The following VPS13A variants were observed in gnomAD, a reference collection of about 807,000 sequenced individuals.
VPS13A encodes intermembrane lipid transfer protein VPS13A.
VPS13A carries 264 observed loss-of-function variants against 390.9 expected under a neutral mutation model. The observed-to-expected ratio is 0.68, with a 90% CI of 0.61 to 0.75. The LOEUF is 0.75. VPS13A is among the 30% of genes least tolerant of loss of function. The pLI is 0.00. For synonymous variants in VPS13A, 1,231 were observed against 1,227.1 expected, an observed-to-expected ratio of 1.00 and a Z score of -0.07; for missense variants, 3,409 against 3,733.9, an observed-to-expected ratio of 0.91 and a Z score of 2.27.
chr9:77,402,182 T>A (rs1834422032), intron 68 of VPS13A, among the ~76,000 whole-genome samples: 2 of 152,224 alleles, frequency 1.3e-5, no homozygotes, highest in Non-Finnish European at 2.9e-5. Flanking sequence ...TTCCTCAATA[T>A]TTTATAATCA....
In VPS13A at chr9:77,344,208, G is replaced by A. The variant is rs1372664900; in HGVS notation, c.7082G>A (p.Arg2361Lys). ...ASSKLLIQVE[R>K]SEDPPKRIYF... ...AGTAAACTTCTTATTCAAGTCGAAA[G>A]GAGTGAAGATCCTCCCAAAAGGATA... The change falls in exon 51 of 72, where the codon AGG becomes AAG. Residue 2361 changes from arginine (R) to lysine (K), a missense_variant. Coordinates refer to ENST00000360280, the MANE Select transcript of VPS13A (RefSeq NM_033305.3). 2 of 1,612,616 alleles carry A rather than the reference G, an allele frequency of 1.2e-6. No homozygotes were observed. The highest frequency in any genetic ancestry group is 3.3e-5 in the Admixed American group (2 of 59,972).
In VPS13A at chr9:77,199,935, T is replaced by A. The variant is rs1323773952; in HGVS notation, c.101-10T>A. The A allele has an allele frequency of 6.3e-7, 1 of 1,597,210 alleles. No homozygotes were observed. Among genetic ancestry groups the A allele is most frequent in the Non-Finnish European group, 8.5e-7 (1 of 1,173,378 alleles). The stretch of plus-strand genomic sequence containing the variant: ...TTGATTGTTTGAATCTTTTTTTTAA[T>A]CTTTTTTAGGAGCTGTGGCCCTCAA... On this transcript the variant is annotated splice_polypyrimidine_tract_variant and intron_variant, in intron 1 of 71. Coordinates refer to ENST00000360280, the MANE Select transcript of VPS13A (RefSeq NM_033305.3).
chr9:77,242,624 C>T (rs1824569948), intron 19 of VPS13A, among the ~76,000 whole-genome samples: 1 of 151,834 alleles, frequency 6.6e-6, no homozygotes, highest in Non-Finnish European at 1.5e-5. Flanking sequence ...TGAGTAGAAA[C>T]CAAAGCATAA....
intron 54 of VPS13A, among the ~76,000 whole-genome samples, chr9:77,355,607 A>G (rs961470646): frequency 6.6e-6 from 1 of 152,228 alleles, no homozygotes; most frequent in East Asian, 1.9e-4. Flanking sequence ...CTCTATTCAG[A>G]TATCTAAGAG....
intron 62 of VPS13A, 133 bp downstream of exon 62, chr9:77,368,269 T>C (rs1432354493): frequency 3.3e-5 from 25 of 749,016 alleles, no homozygotes; most frequent in Non-Finnish European, 5.2e-5. Flanking sequence ...ATGGGTATTT[T>C]CCTCAGAATT....
intron 19 of VPS13A, among the ~76,000 whole-genome samples, chr9:77,240,719 C>G (rs1824439208): frequency 6.6e-6 from 1 of 151,988 alleles, no homozygotes; most frequent in South Asian, 2.1e-4. Flanking sequence ...CTCAGGTGAT[C>G]CATCTCAGCC....
At chr9:77,256,070 A>G (rs1050220744) in intron 22 of VPS13A, among the ~76,000 whole-genome samples, 1 of 151,612 alleles carries the variant, frequency 6.6e-6, no homozygotes, top group Non-Finnish European at 1.5e-5. Context: ...CTAGTTCCTT[A>G]AGGTGTAAAG....
rs1246783134 is a variant in VPS13A, at chr9:77,177,779, C to T, written c.75C>T (p.Ser25=). ...LGDYVVDLDT[S]QLSLGIWKGA... is the part of the protein sequence containing the mutation. ...ACTATGTGGTGGACTTGGACACGTC[C>T]CAGCTCTCTCTGGGCATCTGGAAAG... Residue 25 remains serine (S), a synonymous_variant, in exon 1 of 72, where the codon TCC becomes TCT. Transcript: ENST00000360280. 1.2e-6 allele frequency: 2 copies of T among 1,613,378 alleles called. No homozygotes were observed. The highest frequency in any genetic ancestry group is 2.2e-5 in the East Asian group (1 of 44,828).
At chr9:77,298,487 G>A (rs1308904607) in intron 33 of VPS13A, among the ~76,000 whole-genome samples, 1 of 152,172 alleles carries the variant, frequency 6.6e-6, no homozygotes, top group Non-Finnish European at 1.5e-5. Flanking sequence ...GCAGCAGTGA[G>A]GGTCCTGCTG....
chr9:77,314,338 G>A (rs2131426911), intron 36 of VPS13A, among the ~76,000 whole-genome samples, 157 bp from the exon 37 acceptor site: 1 of 152,174 alleles, frequency 6.6e-6, no homozygotes, highest in Admixed American at 6.5e-5. Flanking sequence ...AAATTAAAGT[G>A]ATATGTATAT....
chr9:77,274,359 C>T (rs560045575), intron 24 of VPS13A, among the ~76,000 whole-genome samples: 1 of 142,188 alleles, frequency 7.0e-6, no homozygotes, highest in East Asian at 2.2e-4. Context: ...ACCCAGGAGG[C>T]GGAGGTTGCA....
chr9:77,184,871 G>T (rs1440403674), intron 1 of VPS13A, among the ~76,000 whole-genome samples: 1 of 152,110 alleles, frequency 6.6e-6, no homozygotes, highest in Non-Finnish European at 1.5e-5. Context: ...AACAGGGAGG[G>T]CATGGAAGCT....
chr9:77,211,959 G>C (rs900848940), intron 7 of VPS13A, among the ~76,000 whole-genome samples: 1 of 152,146 alleles, frequency 6.6e-6, no homozygotes, highest in Non-Finnish European at 1.5e-5. Context: ...ACCTTATTGT[G>C]AACTGCGCAT....
Position 77,357,791 on chromosome 9 carries a change from A to T in VPS13A, c.7906A>T (p.Thr2636Ser). The T allele has an allele frequency of 1.2e-6, 2 of 1,613,790 alleles. No homozygotes were observed. Among genetic ancestry groups the T allele is most frequent in the Non-Finnish European group, 8.5e-7 (1 of 1,179,846 alleles). The stretch of plus-strand genomic sequence containing the variant: ...TCCAGCATTAAAAGTGGAATATAAC[A>T]CATCTGCACATCAATCATCATTTAG... ...YLPALKVEYN[T>S]SAHQSSFRIQ... The change falls in exon 56 of 72, where the codon ACA becomes TCA. Residue 2636 changes from threonine (T) to serine (S), a missense_variant. Transcript: ENST00000360280.
intron 53 of VPS13A, among the ~76,000 whole-genome samples, chr9:77,353,038 G>A (rs1046538830): frequency 6.6e-6 from 1 of 152,032 alleles, no homozygotes; most frequent in African/African-American, 2.4e-5. Context: ...AAGGAAATGT[G>A]AATTTCAAAC....
chr9:77,307,156 C>T (rs944951207), intron 34 of VPS13A, among the ~76,000 whole-genome samples: 2 of 152,128 alleles, frequency 1.3e-5, no homozygotes, highest in African/African-American at 2.4e-5. Context: ...CTGCCTGCCT[C>T]AGCCTCCCAG....
Position 77,339,497 on chromosome 9 carries a change from T to TC in VPS13A, c.6379-19_6379-18insC. 6.6e-7 allele frequency: 1 copy of TC among 1,515,534 alleles called. No individual in the cohort carries two copies. The highest frequency in any genetic ancestry group is 2.2e-5 in the Admixed American group (1 of 45,316). The allele number at this position is 1,515,534 out of a possible 1,614,324, so 93.9% of individuals were successfully genotyped here. ...GCAACATTTTAAATTTTGTTTTGTT[T>TC]TTTTTTTTTTTATTACAGGGAATTG... On this transcript the variant is annotated intron_variant, in intron 47 of 71. Coordinates refer to ENST00000360280, the MANE Select transcript of VPS13A (RefSeq NM_033305.3).
intron 46 of VPS13A, among the ~76,000 whole-genome samples, chr9:77,335,719 A>T (rs1300232821): frequency 6.6e-6 from 1 of 152,204 alleles, no homozygotes; most frequent in South Asian, 2.1e-4. Flanking sequence ...GTTGGAGAGG[A>T]TGTGGAGAAA....
intron 68 of VPS13A, among the ~76,000 whole-genome samples, chr9:77,395,251 A>C (rs1252380957): frequency 6.6e-6 from 1 of 152,132 alleles, no homozygotes; most frequent in African/African-American, 2.4e-5. Flanking sequence ...AGGGCTGTTA[A>C]TTGGCCTAAT....
Sources: gnomAD v4.1 joint callset for allele counts (sites outside exome capture counted in the v4.1 genomes callset) on GRCh38, gnomAD v4.1.1 for gene constraint, MANE v1.5 for transcripts, NCBI Gene and HGNC (gene_info 2026-07-23, HGNC 2026-07-21) for gene names.